Variants in ARHGAP44 observed in about 807,000 individuals in gnomAD.
ARHGAP44 encodes the protein rho GTPase-activating protein 44.
In ARHGAP44, 43 loss-of-function variants were observed where a neutral mutation model predicts 106.8. That is an observed-to-expected ratio of 0.40 (90% CI 0.32 to 0.52). The LOEUF (loss-of-function observed/expected upper bound fraction) is 0.52, where lower values mean the gene tolerates loss of function less well. Among genes scored for constraint, ARHGAP44 ranks in the 20% least tolerant of loss-of-function variants. ARHGAP44 has a pLI of 0.48. For synonymous variants in ARHGAP44, 439 were observed against 410.3 expected, an observed-to-expected ratio of 1.07 and a Z score of -0.85; for missense variants, 866 against 1,050.5, an observed-to-expected ratio of 0.82 and a Z score of 2.43.
At chr17:12,868,374 G>A (rs1473295636) in intron 1 of ARHGAP44, among the ~76,000 whole-genome samples, 1 of 151,560 alleles carries the variant, frequency 6.6e-6, no homozygotes, top group Non-Finnish European at 1.5e-5. Context: ...TGAAGTACTG[G>A]GATTAGAATT....
At chr17:12,918,788 T>G (rs2037990043) in intron 5 of ARHGAP44, among the ~76,000 whole-genome samples, 1 of 152,088 alleles carries the variant, frequency 6.6e-6, no homozygotes, top group South Asian at 2.1e-4. Context: ...TTTTGGCCCT[T>G]CTGGAAGTAA....
intron 1 of ARHGAP44, among the ~76,000 whole-genome samples, chr17:12,873,543 C>T (rs1271728385): frequency 6.6e-6 from 1 of 152,218 alleles, no homozygotes; most frequent in Non-Finnish European, 1.5e-5. Context: ...ATGTGTTCCT[C>T]TGCTGCAAGT....
At chr17:12,977,352 G>A (rs2039709978) in intron 18 of ARHGAP44, among the ~76,000 whole-genome samples, 1 of 151,910 alleles carries the variant, frequency 6.6e-6, no homozygotes, top group Non-Finnish European at 1.5e-5. Flanking sequence ...ATGTTCCCTC[G>A]AGTGGCCGGA....
chr17:12,956,821 G>A (rs1222868947), intron 15 of ARHGAP44, 75 bp downstream of exon 15: 5 of 1,338,162 alleles, frequency 3.7e-6, no homozygotes, highest in African/African-American at 2.9e-5. Flanking sequence ...AGCCTTTGAA[G>A]CCAAGTACCA....
chr17:12,853,398 C>G (rs959728451), intron 1 of ARHGAP44, among the ~76,000 whole-genome samples: 1 of 152,136 alleles, frequency 6.6e-6, no homozygotes, highest in Admixed American at 6.5e-5. Context: ...CGTCCCAGAG[C>G]CCCTGATCTA....
At position 12,849,568 on chromosome 17, in the gene ARHGAP44, CTTTTTTTTTTTTT is replaced by C. The variant is rs776346185; in HGVS notation, c.54-45358_54-45346del. ...CTAGTCTTTCCTTCCTACTTTTGTC[CTTTTTTTTTTTTT>C]TTTTTTTTTTTTTGCTTGGCTTCAG... On this transcript the variant is annotated intron_variant, in intron 1 of 20. Transcript: ENST00000379672. Among the ~76,000 whole-genome samples, 12 of 69,956 alleles carry C rather than the reference CTTTTTTTTTTTTT, an allele frequency of 1.7e-4. No individual in the cohort carries two copies. The South Asian group carries it at 2.3e-3, about 13-fold the overall frequency. The allele number at this position is 69,956 out of a possible 152,430, so 45.9% of individuals were successfully genotyped here. A position where few individuals can be genotyped will look rare whatever the true frequency, so the allele number is the denominator to read the frequency against.
intron 12 of ARHGAP44, among the ~76,000 whole-genome samples, chr17:12,950,437 C>T (rs1041119978): frequency 2.6e-5 from 4 of 152,100 alleles, no homozygotes; most frequent in East Asian, 1.9e-4. Flanking sequence ...AGCAGTGTGT[C>T]GGGAAGAGTA....
At chr17:12,826,828 A>G (rs2034933974) in intron 1 of ARHGAP44, among the ~76,000 whole-genome samples, 1 of 152,188 alleles carries the variant, frequency 6.6e-6, no homozygotes, top group South Asian at 2.1e-4. Flanking sequence ...CTCATGCCAG[A>G]TAACTGATTT....
chr17:12,897,438 T>TC, intron 3 of ARHGAP44, among the ~76,000 whole-genome samples: 1 of 151,964 alleles, frequency 6.6e-6, no homozygotes, highest in Middle Eastern at 3.4e-3. Flanking sequence ...TCATTTCTTT[T>TC]TTTTTTTTTT....
At chr17:12,839,368 C>T (rs2035329790) in intron 1 of ARHGAP44, among the ~76,000 whole-genome samples, 3 of 152,170 alleles carry the variant, frequency 2.0e-5, no homozygotes, top group South Asian at 4.1e-4. Flanking sequence ...CTCGGTCACC[C>T]TGTGGGTCCT....
intron 1 of ARHGAP44, among the ~76,000 whole-genome samples, chr17:12,855,043 C>T (rs1418679382): frequency 6.7e-6 from 1 of 149,636 alleles, no homozygotes; most frequent in Non-Finnish European, 1.5e-5. Flanking sequence ...ATAGAAAGGA[C>T]AGGAAGGGGA....
intron 1 of ARHGAP44, among the ~76,000 whole-genome samples, chr17:12,817,385 A>G (rs990255105): frequency 2.0e-5 from 3 of 152,066 alleles, no homozygotes; most frequent in Non-Finnish European, 2.9e-5. Flanking sequence ...ACATAAGTAT[A>G]TATACCTACT....
Position 12,990,015 on chromosome 17 carries a change from T to C in ARHGAP44, c.2318-17T>C. On this transcript the variant is annotated splice_polypyrimidine_tract_variant and intron_variant, in intron 20 of 20. Transcript: ENST00000379672. ...GGAAGCCTCCTTTCAACCACCTCTC[T>C]CTCTGCCGCCTTCCAGATCTTGTCC... is the stretch of plus-strand genomic sequence containing the variant. 2 of 1,593,740 alleles carry C rather than the reference T, an allele frequency of 1.3e-6. No individual in the cohort carries two copies. The highest frequency in any genetic ancestry group is 1.7e-6 in the Non-Finnish European group (2 of 1,162,812).
rs377670844 is a variant in ARHGAP44 at position 12,909,617 on chromosome 17, A to G, written c.275+644A>G. ...AAATAAATAATTGCTGAACTTGAAAACAGATGTAGAGCCGCCACCCAGAAT... is the reference window on the plus strand; with the variant it reads ...AAATAAATAATTGCTGAACTTGAAAGCAGATGTAGAGCCGCCACCCAGAAT... On this transcript the variant is annotated intron_variant, in intron 4 of 20. Transcript: ENST00000379672. Among the ~76,000 whole-genome samples, 17 of 152,302 alleles carry G rather than the reference A, an allele frequency of 1.1e-4. No homozygotes were observed. The East Asian group carries it at 3.1e-3, about 28-fold the overall frequency.
intron 18 of ARHGAP44, 54 bp downstream of exon 18, chr17:12,974,364 C>T: frequency 1.5e-6 from 2 of 1,324,120 alleles, no homozygotes; most frequent in South Asian, 1.9e-5. Context: ...CAGGGGGTGT[C>T]TGGGTTGGCC....
chr17:12,854,568 T>C (rs1251512184), intron 1 of ARHGAP44, among the ~76,000 whole-genome samples: 1 of 152,134 alleles, frequency 6.6e-6, no homozygotes, highest in Non-Finnish European at 1.5e-5. Context: ...GAGGTGGACC[T>C]ACAAGTAGAT....
chr17:12,960,079 G>A (rs575529624), intron 16 of ARHGAP44, among the ~76,000 whole-genome samples: 2 of 152,282 alleles, frequency 1.3e-5, no homozygotes, highest in South Asian at 2.1e-4. Context: ...TGACGGTCAA[G>A]CTTTCACAAT....
intron 16 of ARHGAP44, among the ~76,000 whole-genome samples, chr17:12,962,937 T>G (rs1159789705): frequency 6.9e-6 from 1 of 145,124 alleles, no homozygotes; most frequent in Non-Finnish European, 1.5e-5. Context: ...CCCAGCTACT[T>G]GGGAGGCTGA....
chr17:12,810,880 A>G (rs949122300), intron 1 of ARHGAP44, among the ~76,000 whole-genome samples: 5 of 152,196 alleles, frequency 3.3e-5, no homozygotes, highest in African/African-American at 9.7e-5. Flanking sequence ...GACCACCCCA[A>G]AACTTAACTA....
Sources: allele counts gnomAD v4.1 joint callset (sites outside exome capture counted in the v4.1 genomes callset), GRCh38; gene constraint gnomAD v4.1.1; transcripts MANE v1.5; gene names NCBI Gene and HGNC (gene_info 2026-07-23, HGNC 2026-07-21).